XCR1: variants seen among roughly 807,000 people sequenced by gnomAD.
XCR1 encodes the protein X-C motif chemokine receptor 1.
For missense variants in XCR1, 356 were observed against 424.2 expected, an observed-to-expected ratio of 0.84 and a Z score of 1.41; for synonymous variants, 187 against 188.5, an observed-to-expected ratio of 0.99 and a Z score of 0.06.
At chr3:46,029,765 C>T (rs1223190265), upstream of XCR1, among the ~76,000 whole-genome samples, 3 of 152,134 alleles carry the variant, frequency 2.0e-5, no homozygotes, top group African/African-American at 4.8e-5. Context: ...GGAGTATTGC[C>T]GTTTTAACAA....
chr3:46,024,262 C>T (rs1708241504), intron 1 of XCR1: 2 of 312,022 alleles, frequency 6.4e-6, no homozygotes, highest in South Asian at 1.5e-4. Flanking sequence ...GAAGGGGCAT[C>T]CTGGTCCCGG....
At chr3:46,030,157 TC>T (rs1015047343), upstream of XCR1, among the ~76,000 whole-genome samples, 1 of 152,088 alleles carries the variant, frequency 6.6e-6, no homozygotes, top group African/African-American at 2.4e-5. Flanking sequence ...TGGGTACTTT[TC>T]CCCCCACCGT....
intron 1 of XCR1, among the ~76,000 whole-genome samples, chr3:46,081,810 G>A (rs925590879): frequency 1.3e-5 from 2 of 152,040 alleles, no homozygotes; most frequent in Non-Finnish European, 2.9e-5. Flanking sequence ...TTCAGGTAGT[G>A]AGCATAGTAC....
chr3:46,044,006 T>C (rs1283682018), intron 5 of XCR1, among the ~76,000 whole-genome samples: 2 of 152,096 alleles, frequency 1.3e-5, no homozygotes, highest in African/African-American at 4.8e-5. Flanking sequence ...GTTTTGTTTT[T>C]GTTTTTTGAG....
At chr3:46,023,210 A>G (rs1708198817) in intron 1 of XCR1, 2 of 509,224 alleles carry the variant, frequency 3.9e-6, no homozygotes, top group Non-Finnish European at 3.5e-6. Context: ...CTGCGCCCAG[A>G]GAGGACGCGG....
intron 5 of XCR1, among the ~76,000 whole-genome samples, chr3:46,050,863 G>A (rs4683169): frequency 0.27 from 40,345 of 152,050 alleles, 6,005 homozygotes; most frequent in African/African-American, 0.41. Flanking sequence ...TGCGCCCATC[G>A]GTTTAATTTG....
In XCR1 at chr3:46,021,266, A is replaced by G. The variant is rs1244932739; in HGVS notation, c.682T>C (p.Phe228Leu). ...KRRHRTVKLI[F>L]AIVVAYFLSW... ...AGGAAGTAGGCCACCACGATGGCGAAGATGAGCTTGACCGTGCGGTGGCGC... is the reference window on the plus strand; with the variant it reads ...AGGAAGTAGGCCACCACGATGGCGAGGATGAGCTTGACCGTGCGGTGGCGC... The change falls in exon 2 of 2, where the codon TTC becomes CTC. Residue 228 changes from phenylalanine (F) to leucine (L), a missense_variant. Transcript: ENST00000309285. The surrounding 1 kb of genome is among the most constrained non-coding windows in gnomAD (Gnocchi z 4.7). 1.2e-6 allele frequency: 2 copies of G among 1,614,212 alleles called. No homozygotes were observed. The highest frequency in any genetic ancestry group is 4.5e-5 in the East Asian group (2 of 44,888).
intron 1 of XCR1, among the ~76,000 whole-genome samples, chr3:46,081,884 T>C (rs1698371611): frequency 6.6e-6 from 1 of 152,102 alleles, no homozygotes; most frequent in African/African-American, 2.4e-5. Context: ...GTTCCCTGTG[T>C]CTCTTGTTTC....
upstream of XCR1, among the ~76,000 whole-genome samples, chr3:46,028,082 C>T (rs1045176248): frequency 4.6e-5 from 7 of 152,194 alleles, no homozygotes; most frequent in Non-Finnish European, 7.3e-5. Context: ...GTGACTCAGA[C>T]TTTTAGCTAG....
At chr3:46,083,673 C>T (rs767080540) in intron 1 of XCR1, among the ~76,000 whole-genome samples, 2 of 152,194 alleles carry the variant, frequency 1.3e-5, no homozygotes, top group Non-Finnish European at 2.9e-5. Flanking sequence ...CACAGCTCAA[C>T]AAAAAGCTAC....
chr3:46,065,071 AC>A (rs1698040386), intron 4 of XCR1, among the ~76,000 whole-genome samples: 2 of 152,110 alleles, frequency 1.3e-5, no homozygotes, highest in African/African-American at 2.4e-5. Flanking sequence ...AGCCTGGGCA[AC>A]AAGAGAAAAA....
Position 46,021,927 on chromosome 3 carries a change from TG to T in XCR1, c.20del (p.Pro7GlnfsTer40). The part of the protein sequence containing the change: MESSGN[P>X]ESTTFFYYDL... The stretch of plus-strand genomic sequence containing the variant: ...CATAGTAAAAAAAGGTGGTGCTCTC[TG>T]GGTTGCCTGAGGACTCCATCTGGAC... On this transcript the variant is annotated frameshift_variant, in exon 2 of 2. Transcript: ENST00000309285. LOFTEE classifies it low-confidence loss of function (END_TRUNC). This position sits in a 1 kb window ranked among gnomAD's most constrained non-coding sequence, Gnocchi z 4.7. The T allele has an allele frequency of 6.2e-7, 1 of 1,612,682 alleles. No homozygotes were observed. Among genetic ancestry groups the T allele is most frequent in the Non-Finnish European group, 8.5e-7 (1 of 1,179,208 alleles).
intron 4 of XCR1, among the ~76,000 whole-genome samples, chr3:46,062,034 G>A (rs1575433567): frequency 6.6e-6 from 1 of 152,168 alleles, no homozygotes; most frequent in East Asian, 1.9e-4. Context: ...GCTTTTGGAG[G>A]TGTCAGCCAG....
intron 4 of XCR1, among the ~76,000 whole-genome samples, chr3:46,066,124 C>G (rs1346078275): frequency 1.3e-5 from 2 of 152,186 alleles, no homozygotes; most frequent in Non-Finnish European, 2.9e-5. Context: ...GCAAGACAGG[C>G]TCACTAGGAC....
intron 3 of XCR1, among the ~76,000 whole-genome samples, chr3:46,074,329 T>C (rs1575442152): frequency 6.7e-6 from 1 of 148,496 alleles, no homozygotes; most frequent in Admixed American, 6.9e-5. Flanking sequence ...GCTCAAGTGA[T>C]AGAGGTCATT....
At chr3:46,035,931 ATT>A (rs1697422956) in intron 5 of XCR1, among the ~76,000 whole-genome samples, 1 of 152,070 alleles carries the variant, frequency 6.6e-6, no homozygotes. Flanking sequence ...TTCCTAAGGA[ATT>A]TTTGTTTGCA....
At chr3:46,041,049 C>A (rs1356788741) in intron 5 of XCR1, among the ~76,000 whole-genome samples, 2 of 151,698 alleles carry the variant, frequency 1.3e-5, no homozygotes, top group African/African-American at 4.9e-5. Flanking sequence ...CCATTTATAG[C>A]CTTTAAATAT....
At chr3:46,062,483 C>G (rs1306515065) in intron 4 of XCR1, among the ~76,000 whole-genome samples, 1 of 152,232 alleles carries the variant, frequency 6.6e-6, no homozygotes, top group Non-Finnish European at 1.5e-5. Context: ...TCAGAACTTT[C>G]TATGTTACGG....
exon 3 of XCR1, among the ~76,000 whole-genome samples, chr3:46,074,654 T>G (rs1171292418): frequency 6.6e-6 from 1 of 152,208 alleles, no homozygotes; most frequent in African/African-American, 2.4e-5. Context: ...TATTTACTAT[T>G]CATTATGTGG....
Sources: gnomAD v4.1 joint callset for allele counts (sites outside exome capture counted in the v4.1 genomes callset) on GRCh38, gnomAD v4.1.1 for gene constraint, Gnocchi (gnomAD v3.1) non-coding constraint, MANE v1.5 for transcripts, NCBI Gene and HGNC (gene_info 2026-07-23, HGNC 2026-07-21) for gene names.